Variants in CCDC192 observed in about 807,000 individuals in gnomAD.
The protein encoded by CCDC192 is coiled-coil domain-containing protein 192.
intron 6 of CCDC192, among the ~76,000 whole-genome samples, chr5:127,884,417 ATC>A (rs1752488094): frequency 6.7e-6 from 1 of 149,264 alleles, no homozygotes; most frequent in Non-Finnish European, 1.5e-5. Context: ...ACAGAAAGCT[ATC>A]TTATATCATT....
chr5:127,889,046 C>T (rs1752654943), intron 6 of CCDC192, among the ~76,000 whole-genome samples: 1 of 152,114 alleles, frequency 6.6e-6, no homozygotes, highest in African/African-American at 2.4e-5. Context: ...GAAATAATGG[C>T]AAACAAAATA....
At chr5:127,898,131 G>A (rs1424968025) in intron 6 of CCDC192, among the ~76,000 whole-genome samples, 2 of 150,702 alleles carry the variant, frequency 1.3e-5, no homozygotes, top group East Asian at 1.9e-4. Flanking sequence ...TTTTTGAGAC[G>A]GAGTTTTACT....
At chr5:127,921,327 G>T (rs909201109) in intron 6 of CCDC192, among the ~76,000 whole-genome samples, 1 of 150,130 alleles carries the variant, frequency 6.7e-6, no homozygotes, top group African/African-American at 2.5e-5. Flanking sequence ...GGGTCATGAT[G>T]ACATTAGTAT....
intron 3 of CCDC192, among the ~76,000 whole-genome samples, chr5:127,794,681 C>G (rs975305233): frequency 6.6e-6 from 1 of 152,052 alleles, no homozygotes; most frequent in Non-Finnish European, 1.5e-5. Context: ...AAATGTCCAA[C>G]TTATTTCTTT....
At chr5:127,702,815 G>A (rs958793476), upstream of CCDC192, among the ~76,000 whole-genome samples, 1 of 152,226 alleles carries the variant, frequency 6.6e-6, no homozygotes, top group Non-Finnish European at 1.5e-5. Flanking sequence ...GCAACTGGCT[G>A]GGAGAAAGTA....
At chr5:127,913,651 G>A (rs974971060) in intron 6 of CCDC192, among the ~76,000 whole-genome samples, 1 of 152,234 alleles carries the variant, frequency 6.6e-6, no homozygotes, top group Admixed American at 6.5e-5. Flanking sequence ...AGAGGAAAGA[G>A]CCTTAGAAGA....
chr5:127,904,657 G>T (rs761831680), intron 6 of CCDC192, among the ~76,000 whole-genome samples: 1 of 151,708 alleles, frequency 6.6e-6, no homozygotes, highest in African/African-American at 2.4e-5. Context: ...GCTTGCCACC[G>T]CACCCAACTA....
chr5:127,797,283 A>G (rs1453980340), intron 4 of CCDC192, 49 bp downstream of exon 4: 1 of 393,470 alleles, frequency 2.5e-6, no homozygotes, highest in African/African-American at 2.1e-5. Context: ...ACCTAATTTT[A>G]TATGAATTGA....
intron 3 of CCDC192, among the ~76,000 whole-genome samples, chr5:127,755,528 G>A (rs1021336025): frequency 1.3e-5 from 2 of 150,698 alleles, no homozygotes; most frequent in South Asian, 4.2e-4. Flanking sequence ...TTGCCCTTTT[G>A]GAAAAGTTTC....
intron 5 of CCDC192, among the ~76,000 whole-genome samples, chr5:127,802,527 G>A (rs1045872986): frequency 2.0e-5 from 3 of 152,104 alleles, no homozygotes; most frequent in African/African-American, 7.2e-5. Context: ...CTGCCATTGA[G>A]TTTGCCAGAC....
intron 5 of CCDC192, among the ~76,000 whole-genome samples, chr5:127,823,879 G>A (rs1319835478): frequency 1.3e-5 from 2 of 152,172 alleles, no homozygotes; most frequent in Non-Finnish European, 2.9e-5. Context: ...TGGACCTTTA[G>A]TTGCCAACTG....
At chr5:127,880,715 C>T (rs990290234) in intron 6 of CCDC192, among the ~76,000 whole-genome samples, 1 of 151,992 alleles carries the variant, frequency 6.6e-6, no homozygotes, top group Non-Finnish European at 1.5e-5. Flanking sequence ...CACGGTGGCT[C>T]ACACCTGTAA....
intron 1 of CCDC192, among the ~76,000 whole-genome samples, chr5:127,706,995 T>C (rs1401011818): frequency 6.6e-6 from 1 of 152,158 alleles, no homozygotes; most frequent in African/African-American, 2.4e-5. Context: ...GAGAGAGTGA[T>C]AAGTCATGTC....
intron 6 of CCDC192, among the ~76,000 whole-genome samples, chr5:127,885,955 T>G (rs1257436032): frequency 6.6e-6 from 1 of 152,144 alleles, no homozygotes; most frequent in Non-Finnish European, 1.5e-5. Flanking sequence ...AACATATGAT[T>G]AAAAAGAAGA....
At chr5:127,858,066 G>A (rs1443313273) in intron 5 of CCDC192, among the ~76,000 whole-genome samples, 1 of 152,148 alleles carries the variant, frequency 6.6e-6, no homozygotes, top group African/African-American at 2.4e-5. Flanking sequence ...TATTTCACAA[G>A]GCTGTTGTTC....
At chr5:127,890,666 A>C (rs189557504) in intron 6 of CCDC192, among the ~76,000 whole-genome samples, 1 of 152,332 alleles carries the variant, frequency 6.6e-6, no homozygotes, top group Non-Finnish European at 1.5e-5. Flanking sequence ...CATCATTTTC[A>C]GTCAAAAATT....
intron 2 of CCDC192, among the ~76,000 whole-genome samples, chr5:127,729,289 G>GTT (rs1314400522): frequency 1.3e-5 from 2 of 152,142 alleles, no homozygotes; most frequent in Non-Finnish European, 2.9e-5. Context: ...ATGGTAAAGG[G>GTT]TTTAATTCAA....
At chr5:127,780,150 CAT>C (rs986578657) in intron 3 of CCDC192, among the ~76,000 whole-genome samples, 7 of 151,948 alleles carry the variant, frequency 4.6e-5, no homozygotes, top group Non-Finnish European at 1.0e-4. Context: ...TACACACACA[CAT>C]ATATACGTAT....
At chr5:127,866,216 C>T (rs530301295) in intron 5 of CCDC192, among the ~76,000 whole-genome samples, 3 of 151,898 alleles carry the variant, frequency 2.0e-5, no homozygotes, top group East Asian at 3.9e-4. Flanking sequence ...CTTACATTGC[C>T]CAGTCAGTTT....
Sources: allele counts gnomAD v4.1 joint callset (sites outside exome capture counted in the v4.1 genomes callset), GRCh38; gene constraint gnomAD v4.1.1; transcripts MANE v1.5; gene names NCBI Gene and HGNC (gene_info 2026-07-23, HGNC 2026-07-21).